Variants in KCTD9 observed in about 807,000 individuals in gnomAD.
The protein encoded by KCTD9 is BTB/POZ domain-containing protein KCTD9.
KCTD9 carries 17 observed loss-of-function variants against 53.3 expected under a neutral mutation model. That is an observed-to-expected ratio of 0.32 (90% confidence interval 0.22 to 0.48). KCTD9 has a LOEUF of 0.48. Among genes scored for constraint, KCTD9 ranks in the 20% least tolerant of loss-of-function variants. The probability of loss-of-function intolerance (pLI) is 0.99; values close to 1 mark genes in which losing one functional copy is unlikely to be tolerated. For missense variants in KCTD9, 179 were observed against 465.5 expected (o/e 0.38, Z 5.66); for synonymous variants, 128 against 162.7 (o/e 0.79, Z 1.62).
chr8:25,437,210 T>G (rs1802032871), intron 6 of KCTD9, among the ~76,000 whole-genome samples: 1 of 152,196 alleles, frequency 6.6e-6, no homozygotes, highest in East Asian at 1.9e-4. Flanking sequence ...ATTATGCCAT[T>G]CCGTTCGGAT....
Position 25,437,280 on chromosome 8 carries a change from A to C in KCTD9, c.500-795T>G, listed in dbSNP as rs138593635. On this transcript the variant is annotated intron_variant, in intron 6 of 11. Coordinates refer to ENST00000221200, the MANE Select transcript of KCTD9 (RefSeq NM_017634.4). ...AGAGGTTCTTGTGGGCCACGCTCTC[A>C]ATTTGCCAAGGTCTAAGTAAAGCAG... 1.9e-3 allele frequency among the ~76,000 whole-genome samples: 285 copies of C among 152,284 alleles called. 1 individual carries two copies. The highest frequency in any genetic ancestry group is 6.5e-3 in the African/African-American group (271 of 41,554).
intron 3 of KCTD9, among the ~76,000 whole-genome samples, chr8:25,443,004 T>G (rs1278460204): frequency 6.6e-6 from 1 of 152,148 alleles, no homozygotes; most frequent in Non-Finnish European, 1.5e-5. Context: ...AGTAAAAACC[T>G]TATAATCCTT....
rs745722208 is a variant in KCTD9 at position 25,436,362 on chromosome 8, C to A, written c.568-32G>T. The A allele has an allele frequency of 3.1e-6, 5 of 1,594,810 alleles. No individual in the cohort carries two copies. In the Admixed American group the frequency reaches 5.0e-5, roughly 16 times the overall value. ...AAAGACATTAAGAAATTAGTGGAGTCTTTTGGGAGATAGCTACAATGAATG... is the reference window on the plus strand; with the variant it reads ...AAAGACATTAAGAAATTAGTGGAGTATTTTGGGAGATAGCTACAATGAATG... On this transcript the variant is annotated intron_variant, in intron 7 of 11. Transcript: ENST00000221200.
At chr8:25,431,796 GC>G (rs1049291612) in intron 11 of KCTD9, among the ~76,000 whole-genome samples, 2 of 151,836 alleles carry the variant, frequency 1.3e-5, no homozygotes, top group Non-Finnish European at 1.5e-5. Context: ...TTAACAGCAA[GC>G]TAAATTTTGA....
chr8:25,458,304 C>CA lies in KCTD9; in HGVS notation c.-59dup, dbSNP rs1802519773. 1 of 1,593,080 alleles carries CA rather than the reference C, an allele frequency of 6.3e-7. No homozygotes were observed. ...CCACCCTCCCACCTGGTCCTCCTCC[C>CA]ACCTTTTTCTCCTCCCGCCCTTCCC... On this transcript the variant is annotated 5_prime_UTR_variant, in exon 1 of 12. Transcript: ENST00000221200.
At chr8:25,453,405 C>G (rs1374134920) in intron 1 of KCTD9, among the ~76,000 whole-genome samples, 1 of 151,360 alleles carries the variant, frequency 6.6e-6, no homozygotes, top group East Asian at 1.9e-4. Context: ...CCTGTAATTC[C>G]AGCACTTTGG....
chr8:25,445,938 G>A, intron 2 of KCTD9, 191 bp downstream of exon 2: 1 of 565,748 alleles, frequency 1.8e-6, no homozygotes, highest in Non-Finnish European at 3.1e-6. Flanking sequence ...ATACTGAAAT[G>A]TACTAAGGGT....
intron 1 of KCTD9, among the ~76,000 whole-genome samples, chr8:25,446,973 AG>A (rs1802224969): frequency 6.6e-6 from 1 of 152,248 alleles, no homozygotes. Context: ...CTGTCTAAGC[AG>A]GGTGCTGAGA....
rs997476297 is a variant in KCTD9, at chr8:25,440,578, G to A, written c.310C>T (p.Arg104Trp). The A allele has an allele frequency of 1.1e-5, 18 of 1,576,670 alleles. No individual in the cohort carries two copies. Among genetic ancestry groups the A allele is most frequent in the African/African-American group, 1.3e-5 (1 of 74,130 alleles). The change falls in exon 4 of 12, where the codon CGG becomes TGG. Residue 104 changes from arginine (R) to tryptophan (W), a missense_variant and splice_region_variant. Physicochemically the swap from Arg to Trp is moderately radical, Grantham distance 101 (BLOSUM62 -3). Coordinates refer to ENST00000221200, the MANE Select transcript of KCTD9 (RefSeq NM_017634.4). The part of the protein sequence containing the change: ...NVGGRYFTTT[R>W]STLVNKEPDS... ...TAACACACATACACACACACCTACC[G>A]TGTAGTTGTAAAGTACCGCCCTCCA...
chr8:25,446,102 G>A (rs763091887), intron 2 of KCTD9, 27 bp downstream of exon 2: 31 of 1,609,616 alleles, frequency 1.9e-5, no homozygotes, highest in Non-Finnish European at 2.5e-5. Flanking sequence ...GCACACTGTT[G>A]ACAGCTTATA....
intron 1 of KCTD9, among the ~76,000 whole-genome samples, chr8:25,452,954 G>T (rs1802355680): frequency 6.6e-6 from 1 of 152,094 alleles, no homozygotes; most frequent in Non-Finnish European, 1.5e-5. Context: ...ACTGCTTGAG[G>T]CCAGGAGTTT....
At position 25,429,738 on chromosome 8, in the gene KCTD9, G is replaced by GTT; in HGVS notation, c.*117_*118dup. ...TCAAAACAAGCATAATCCTCTAAAT[G>GTT]TTTTTTTTTTAAATTTCCTTACAGT... On this transcript the variant is annotated 3_prime_UTR_variant, in exon 12 of 12. Coordinates refer to ENST00000221200, the MANE Select transcript of KCTD9 (RefSeq NM_017634.4). 11 of 631,572 alleles carry GTT rather than the reference G, an allele frequency of 1.7e-5. No individual in the cohort carries two copies. The highest frequency in any genetic ancestry group is 5.7e-5 in the South Asian group (3 of 52,602). The allele number at this position is 631,572 out of a possible 1,614,324, so 39.1% of individuals were successfully genotyped here.
At chr8:25,437,719 G>A (rs904786985) in intron 6 of KCTD9, among the ~76,000 whole-genome samples, 3 of 151,370 alleles carry the variant, frequency 2.0e-5, no homozygotes, top group African/African-American at 7.3e-5. Context: ...ATCATGGTGT[G>A]TGCCTGTAAT....
At chr8:25,437,046 G>A (rs1205743252) in intron 6 of KCTD9, among the ~76,000 whole-genome samples, 1 of 152,188 alleles carries the variant, frequency 6.6e-6, no homozygotes, top group Admixed American at 6.5e-5. Context: ...AAAACCAGAA[G>A]CAGTTATTTG....
chr8:25,433,308 G>A (rs763254266), intron 10 of KCTD9, 22 bp downstream of exon 10: 1 of 1,298,308 alleles, frequency 7.7e-7, no homozygotes, highest in Non-Finnish European at 1.1e-6. Flanking sequence ...CGTAGAATAG[G>A]TATTTACAGA....
chr8:25,432,697 A>C (rs892293458), intron 10 of KCTD9, 60 bp from the exon 11 acceptor site: 1 of 1,461,772 alleles, frequency 6.8e-7, no homozygotes. Flanking sequence ...TACCTTCAAC[A>C]GAACTGCAAG....
chr8:25,449,133 A>C (rs1802271937), intron 1 of KCTD9, among the ~76,000 whole-genome samples: 1 of 152,214 alleles, frequency 6.6e-6, no homozygotes, highest in African/African-American at 2.4e-5. Context: ...AGAAGAGAGA[A>C]GCAAACATGC....
chr8:25,435,918 A>G (rs1389060525), intron 8 of KCTD9, among the ~76,000 whole-genome samples: 5 of 152,240 alleles, frequency 3.3e-5, no homozygotes, highest in East Asian at 3.8e-4. Context: ...TATAGTACAC[A>G]TAAGTAAAGT....
At position 25,429,892 on chromosome 8, in the gene KCTD9, G is replaced by C. The variant is rs145978416; in HGVS notation, c.1135C>G (p.Leu379Val). Residue 379 changes from leucine (L) to valine (V), a missense_variant, in exon 12 of 12, where the codon CTG becomes GTG. Around this residue, in one of 4 missense-constraint regions of KCTD9, gnomAD observed 30 missense variants for 133.2 expected, o/e 0.23. Coordinates refer to ENST00000221200, the MANE Select transcript of KCTD9 (RefSeq NM_017634.4). ...NVKGAIFEEM[L>V]TPLHMSQSVR ...CTTTGTGACATGTGTAGTGGTGTCA[G>C]CATCTCTTCAAATATAGCTCCCTTC... The C allele has an allele frequency of 2.8e-4, 446 of 1,601,350 alleles. No individual in the cohort carries two copies. In the African/African-American group the frequency reaches 5.6e-3, roughly 20 times the overall value.
Sources: allele counts gnomAD v4.1 joint callset (sites outside exome capture counted in the v4.1 genomes callset), GRCh38; gene constraint gnomAD v4.1.1; regional missense constraint gnomAD v4.1.1; transcripts MANE v1.5; gene names NCBI Gene and HGNC (gene_info 2026-07-23, HGNC 2026-07-21).